The following GRPR variants were observed in gnomAD, a reference collection of about 807,000 sequenced individuals.
The protein encoded by GRPR is gastrin-releasing peptide receptor.
GRPR carries 4 observed loss-of-function variants against 15.6 expected under a neutral mutation model. The ratio of observed to expected loss-of-function variants is 0.26; its 90% CI spans 0.13 to 0.59. The LOEUF is 0.59. Among genes scored for constraint, GRPR ranks in the 20% least tolerant of loss-of-function variants. The pLI, the probability that GRPR is intolerant of heterozygous loss-of-function variation, is 0.90. For synonymous variants in GRPR, 128 were observed against 126.8 expected, an observed-to-expected ratio of 1.01 and a Z score of -0.06; for missense variants, 270 against 304.1, an observed-to-expected ratio of 0.89 and a Z score of 0.83.
chrX:16,125,500 G>T (rs1360738942), intron 1 of GRPR, among the ~76,000 whole-genome samples: 3 of 112,361 alleles, frequency 2.7e-5, no homozygotes, highest in African/African-American at 9.7e-5. Context: ...TGCTGCTCTT[G>T]AAAGTTTATA....
intron 1 of GRPR, among the ~76,000 whole-genome samples, chrX:16,127,659 C>T (rs1922314250): frequency 8.9e-6 from 1 of 111,989 alleles, no homozygotes; most frequent in African/African-American, 3.3e-5. Flanking sequence ...GCATTTTAGA[C>T]ATTTTCCTGC....
At chrX:16,139,058 A>G (rs1922490176) in intron 1 of GRPR, among the ~76,000 whole-genome samples, 1 of 112,526 alleles carries the variant, frequency 8.9e-6, no homozygotes, top group Admixed American at 9.4e-5. Context: ...GTTGTCAGCT[A>G]TGTGACTTTG....
chrX:16,124,828 A>G (rs1012071125), intron 1 of GRPR, among the ~76,000 whole-genome samples: 9 of 112,532 alleles, frequency 8.0e-5, no homozygotes, highest in Non-Finnish European at 1.7e-4. Flanking sequence ...AGAGGAGAAA[A>G]TAAGCCTCAT....
At chrX:16,126,423 C>A (rs1922292422) in intron 1 of GRPR, among the ~76,000 whole-genome samples, 2 of 111,618 alleles carry the variant, frequency 1.8e-5, no homozygotes, top group African/African-American at 3.3e-5. Context: ...GTTGGCAGGG[C>A]AAATATATAT....
chrX:16,144,431 C>A (rs1922574844), intron 1 of GRPR, among the ~76,000 whole-genome samples: 1 of 111,941 alleles, frequency 8.9e-6, no homozygotes, highest in African/African-American at 3.2e-5. Flanking sequence ...ACATAGTATA[C>A]ATTAGGATTG....
At position 16,150,583 on chromosome X, in the gene GRPR, A is replaced by AC; in HGVS notation, c.693dup (p.Phe232LeufsTer4). 8.3e-7 allele frequency: 1 copy of AC among 1,199,526 alleles called. No individual in the cohort carries two copies. Among genetic ancestry groups the AC allele is most frequent in the South Asian group, 1.8e-5 (1 of 56,689 alleles). ...CTGTCGATCATCTCTGTTTACTACT[A>AC]CTTCATTGCTAAAAATCTGATCCAG... On this transcript the variant is annotated frameshift_variant, in exon 2 of 3. Coordinates refer to ENST00000380289, the MANE Select transcript of GRPR (RefSeq NM_005314.3). LOFTEE classifies it high-confidence loss of function.
At chrX:16,135,093 T>G (rs937136004) in intron 1 of GRPR, among the ~76,000 whole-genome samples, 2 of 111,457 alleles carry the variant, frequency 1.8e-5, no homozygotes, top group African/African-American at 6.5e-5. Flanking sequence ...TCAGCAATTT[T>G]GAGTGAGAGA....
chrX:16,148,340 G>C (rs1922637710), intron 1 of GRPR, among the ~76,000 whole-genome samples: 2 of 111,564 alleles, frequency 1.8e-5, no homozygotes, highest in South Asian at 7.6e-4. Context: ...CCTCTAGACA[G>C]GGCCAGTTAA....
chrX:16,130,874 C>T (rs1201424292), intron 1 of GRPR, among the ~76,000 whole-genome samples: 2 of 112,365 alleles, frequency 1.8e-5, no homozygotes, highest in Non-Finnish European at 3.8e-5. Flanking sequence ...TCATGTCTCT[C>T]CACGGCAGTG....
At chrX:16,146,262 G>A (rs1174876319) in intron 1 of GRPR, among the ~76,000 whole-genome samples, 1 of 111,558 alleles carries the variant, frequency 9.0e-6, no homozygotes, top group Non-Finnish European at 1.9e-5. Context: ...AAGAACAGAA[G>A]CCACTCAAAC....
chrX:16,143,689 C>T lies in GRPR; in HGVS notation c.414-6616C>T, dbSNP rs190999683. On this transcript the variant is annotated intron_variant, in intron 1 of 2. Transcript: ENST00000380289. ...TTGAAATTACCACAAAGACTCCTTA[C>T]TCCTTTCTTTAGAGGTTCCTCAAAA... 3.8e-3 allele frequency among the ~76,000 whole-genome samples: 432 copies of T among 112,225 alleles called. 4 individuals carry two copies. Among genetic ancestry groups the T allele is most frequent in the Non-Finnish European group, 4.2e-3 (225 of 53,217 alleles).
chrX:16,134,301 T>C (rs181751394), intron 1 of GRPR, among the ~76,000 whole-genome samples: 1 of 112,254 alleles, frequency 8.9e-6, no homozygotes, highest in East Asian at 2.8e-4. Context: ...TCAGTTATTA[T>C]ATATTGCAAT....
chrX:16,133,521 C>A (rs1043836569), intron 1 of GRPR, among the ~76,000 whole-genome samples: 1 of 111,417 alleles, frequency 9.0e-6, no homozygotes, highest in African/African-American at 3.3e-5. Context: ...CATCTGAGAT[C>A]ACTTTACTTC....
intron 1 of GRPR, among the ~76,000 whole-genome samples, chrX:16,143,618 A>G (rs754998601): frequency 1.5e-4 from 17 of 112,240 alleles, no homozygotes; most frequent in Non-Finnish European, 3.2e-4. Context: ...ATGTGGCTTT[A>G]TTCCACTTCT....
At chrX:16,135,381 C>T (rs1199234396) in intron 1 of GRPR, among the ~76,000 whole-genome samples, 1 of 112,231 alleles carries the variant, frequency 8.9e-6, no homozygotes, top group Non-Finnish European at 1.9e-5. Context: ...TCTTTGTCTT[C>T]TTTCTCTTTT....
intron 1 of GRPR, among the ~76,000 whole-genome samples, chrX:16,129,605 G>A (rs1281719117): frequency 2.7e-5 from 3 of 111,953 alleles, no homozygotes; most frequent in Non-Finnish European, 3.8e-5. Flanking sequence ...AATATCAAAT[G>A]CCTCCCAGCT....
intron 1 of GRPR, among the ~76,000 whole-genome samples, chrX:16,134,899 T>A: frequency 9.0e-6 from 1 of 111,589 alleles, no homozygotes; most frequent in Admixed American, 9.5e-5. Flanking sequence ...TGTTTTCAAA[T>A]AGATTTTTAA....
At chrX:16,141,110 T>C (rs1459416368) in intron 1 of GRPR, among the ~76,000 whole-genome samples, 1 of 112,474 alleles carries the variant, frequency 8.9e-6, no homozygotes, top group Non-Finnish European at 1.9e-5. Flanking sequence ...TGTGCCAGGA[T>C]GTTTGAACAC....
intron 1 of GRPR, among the ~76,000 whole-genome samples, chrX:16,127,433 T>TA (rs1179125754): frequency 9.0e-6 from 1 of 111,514 alleles, no homozygotes; most frequent in Non-Finnish European, 1.9e-5. Flanking sequence ...CCACCTTCAA[T>TA]ATTGATCCCC....
Sources: gnomAD v4.1 joint callset for allele counts (sites outside exome capture counted in the v4.1 genomes callset) on GRCh38, gnomAD v4.1.1 for gene constraint, MANE v1.5 for transcripts, NCBI Gene and HGNC (gene_info 2026-07-23, HGNC 2026-07-21) for gene names.